Variants in PRKAG2 observed in about 807,000 individuals in gnomAD.
The protein encoded by PRKAG2 is 5'-AMP-activated protein kinase subunit gamma-2.
A neutral mutation model predicts 69.6 loss-of-function variants in PRKAG2; 26 were observed. That is an observed-to-expected ratio of 0.37 (90% CI 0.27 to 0.52). The LOEUF (loss-of-function observed/expected upper bound fraction) is 0.52, where lower values mean the gene tolerates loss of function less well. PRKAG2 is among the 20% of genes least tolerant of loss of function. The pLI is 0.90. For synonymous variants in PRKAG2, 293 were observed against 285.0 expected (o/e 1.03, Z -0.28); for missense variants, 557 against 740.0 (o/e 0.75, Z 2.87).
In PRKAG2 at chr7:151,807,412, C is replaced by T. The variant is rs12703159; in HGVS notation, c.115-20871G>A. On this transcript the variant is annotated intron_variant, in intron 1 of 15. Transcript: ENST00000287878. The surrounding 1 kb of genome is among the most constrained non-coding windows in gnomAD (Gnocchi z 4.4). ...CAGGAAGCAGCTGTGCTGTGGGTGA[C>T]GGTCATACTTTATTCTCTAAAACTC... 0.2 allele frequency: 89,640 copies of T among 457,576 alleles called. 9,663 individuals are homozygous for T. Among genetic ancestry groups the T allele is most frequent in the South Asian group, 0.28 (17,796 of 64,550 alleles). The allele number at this position is 457,576 out of a possible 1,614,324, so 28.3% of individuals were successfully genotyped here.
chr7:151,806,915 A>C (rs1323142013), intron 1 of PRKAG2: 1 of 444,264 alleles, frequency 2.3e-6, no homozygotes, highest in Non-Finnish European at 4.5e-6. Flanking sequence ...GAAGTGAGCC[A>C]AGATCGCACC....
chr7:151,872,243 T>A (rs1333661933), intron 1 of PRKAG2, among the ~76,000 whole-genome samples: 1 of 152,132 alleles, frequency 6.6e-6, no homozygotes, highest in African/African-American at 2.4e-5. Context: ...CCTTCTGCAT[T>A]CTCTCATCAC....
intron 5 of PRKAG2, among the ~76,000 whole-genome samples, chr7:151,597,792 G>T (rs1814936045): frequency 6.8e-6 from 1 of 147,318 alleles, no homozygotes; most frequent in Non-Finnish European, 1.5e-5. Flanking sequence ...CAAAAGATGA[G>T]TGTTGCTGAG....
chr7:151,866,906 G>A (rs2080093403), intron 1 of PRKAG2, among the ~76,000 whole-genome samples: 2 of 151,182 alleles, frequency 1.3e-5, no homozygotes, highest in Non-Finnish European at 2.9e-5. Context: ...AAGTCTTGGT[G>A]GCCACCCAGG....
rs191055732 is a variant in PRKAG2 at position 151,833,407 on chromosome 7, G to A, written c.114+43100C>T. ...ATGATGTTCAAAGGCTGTTCCAGCTGCTGAGCGGAGGAGGCCCTGGAAAGG... is the reference window on the plus strand; with the variant it reads ...ATGATGTTCAAAGGCTGTTCCAGCTACTGAGCGGAGGAGGCCCTGGAAAGG... On this transcript the variant is annotated intron_variant, in intron 1 of 15. Transcript: ENST00000287878. 3.4e-4 allele frequency among the ~76,000 whole-genome samples: 52 copies of A among 152,350 alleles called. No homozygotes were observed. In the East Asian group the frequency reaches 0.01, roughly 29 times the overall value.
chr7:151,565,983 A>T (rs1375335708), intron 11 of PRKAG2, 98 bp from the exon 12 acceptor site: 1 of 1,416,436 alleles, frequency 7.1e-7, no homozygotes, highest in Non-Finnish European at 9.9e-7. Context: ...CAACAAATTA[A>T]AGTTAGTTTT....
chr7:151,663,525 C>G (rs1218361036), intron 4 of PRKAG2, among the ~76,000 whole-genome samples: 1 of 152,048 alleles, frequency 6.6e-6, no homozygotes, highest in Non-Finnish European at 1.5e-5. Context: ...ACCAGCCCAG[C>G]TAATTTTTTG....
At chr7:151,570,535 T>C (rs187605906) in intron 9 of PRKAG2, among the ~76,000 whole-genome samples, 1 of 152,300 alleles carries the variant, frequency 6.6e-6, no homozygotes, top group East Asian at 1.9e-4. Context: ...CAGAGGTCAC[T>C]AGAATGCTAC....
intron 4 of PRKAG2, among the ~76,000 whole-genome samples, chr7:151,656,866 G>C (rs1476245533): frequency 6.6e-6 from 1 of 152,190 alleles, no homozygotes; most frequent in Non-Finnish European, 1.5e-5. Context: ...GCCAGGCTCG[G>C]TGGCTCACGC....
intron 3 of PRKAG2, among the ~76,000 whole-genome samples, chr7:151,684,513 A>C (rs552481360): frequency 6.6e-6 from 1 of 152,310 alleles, no homozygotes; most frequent in Non-Finnish European, 1.5e-5. Flanking sequence ...GTAAGAGGTA[A>C]GAAGCAAAGC....
intron 3 of PRKAG2, among the ~76,000 whole-genome samples, chr7:151,680,709 G>A (rs373764471): frequency 5.3e-5 from 8 of 152,186 alleles, no homozygotes; most frequent in African/African-American, 1.9e-4. Flanking sequence ...GGCTGGCGAA[G>A]GCCATATTTA....
At chr7:151,779,812 G>T (rs367945582) in intron 3 of PRKAG2, among the ~76,000 whole-genome samples, 1 of 152,170 alleles carries the variant, frequency 6.6e-6, no homozygotes, top group South Asian at 2.1e-4. Context: ...CCACCTGTGT[G>T]ACGTGGAGCC....
chr7:151,576,257 A>T, intron 7 of PRKAG2, 114 bp downstream of exon 7: 1 of 1,051,872 alleles, frequency 9.5e-7, no homozygotes, highest in Non-Finnish European at 1.4e-6. Flanking sequence ...AATGTTCTTT[A>T]ACTTGGAAAC....
rs150320034 is a variant in PRKAG2 at position 151,821,770 on chromosome 7, C to T, written c.115-35229G>A. Among the ~76,000 whole-genome samples, 670 of 152,306 alleles carry T rather than the reference C, an allele frequency of 4.4e-3. 2 individuals carry two copies. The highest frequency in any genetic ancestry group is 6.4e-3 in the Non-Finnish European group (432 of 68,024). ...TCTACAGGTTCAAATTCCAGCTTTG[C>T]TTTGCCAGTGCTGGGACGTTGGCTA... is the stretch of plus-strand genomic sequence containing the variant. On this transcript the variant is annotated intron_variant, in intron 1 of 15. Transcript: ENST00000287878.
At chr7:151,785,879 T>G (rs1250923216) in intron 2 of PRKAG2, among the ~76,000 whole-genome samples, 2 of 151,956 alleles carry the variant, frequency 1.3e-5, no homozygotes, top group East Asian at 1.9e-4. Context: ...ACACTCTTTC[T>G]GGCCACCTGA....
chr7:151,572,295 C>T, intron 9 of PRKAG2: 1 of 167,070 alleles, frequency 6.0e-6, no homozygotes, highest in Non-Finnish European at 1.3e-5. Flanking sequence ...TCAAGTTAGG[C>T]ATGCCTCTGA....
chr7:151,870,170 C>T (rs976161612), intron 1 of PRKAG2, among the ~76,000 whole-genome samples: 247 of 144,738 alleles, frequency 1.7e-3, no homozygotes, highest in African/African-American at 2.5e-3. Flanking sequence ...GGCAGGCAGG[C>T]AGGCAGGCAG....
chr7:151,748,915 G>A (rs979749975), intron 3 of PRKAG2, among the ~76,000 whole-genome samples: 3 of 147,990 alleles, frequency 2.0e-5, no homozygotes, highest in African/African-American at 8.0e-5. Context: ...CCCCAGTGAC[G>A]ACAGTGAGAG....
intron 6 of PRKAG2, among the ~76,000 whole-genome samples, chr7:151,588,781 G>A (rs1426860487): frequency 1.3e-5 from 2 of 152,158 alleles, no homozygotes; most frequent in African/African-American, 2.4e-5. Context: ...CCCCAGTCAC[G>A]TGGAACTGTG....
Sources: allele counts gnomAD v4.1 joint callset (sites outside exome capture counted in the v4.1 genomes callset), GRCh38; gene constraint gnomAD v4.1.1; non-coding constraint Gnocchi (gnomAD v3.1); transcripts MANE v1.5; gene names NCBI Gene and HGNC (gene_info 2026-07-23, HGNC 2026-07-21).